SHISA9: variants seen among roughly 807,000 people sequenced by gnomAD.
The protein encoded by SHISA9 is protein shisa-9.
SHISA9 carries 13 observed loss-of-function variants against 38.0 expected under a neutral mutation model. That is an observed-to-expected ratio of 0.34 (90% CI 0.22 to 0.54). The LOEUF is 0.54. Ranked by LOEUF, SHISA9 falls within the 20% of genes least tolerant of loss-of-function variation. SHISA9 has a pLI of 0.91. For missense variants in SHISA9, 538 were observed against 575.8 expected (o/e 0.93, Z 0.67); for synonymous variants, 275 against 242.0 (o/e 1.14, Z -1.27).
chr16:13,019,933 TTCTTTCTTTCTTTCTTTCTTTCTTTCCC>T (rs2072823913), intron 2 of SHISA9, among the ~76,000 whole-genome samples: 9 of 95,088 alleles, frequency 9.5e-5, no homozygotes, highest in Non-Finnish European at 1.2e-4. Flanking sequence ...CTTTCTTTCT[TTCTTTCTTTCTTTCTTTCTTTCTTTCCC>T]TCCTTCTTTC....
the SHISA9 span, among the ~76,000 whole-genome samples, chr16:13,329,618 C>T: frequency 6.6e-6 from 1 of 152,142 alleles, no homozygotes; most frequent in African/African-American, 2.4e-5. Flanking sequence ...CTACTCCTTC[C>T]CAGGCCTGTG....
chr16:13,297,064 C>G, the SHISA9 span, among the ~76,000 whole-genome samples: 2 of 152,026 alleles, frequency 1.3e-5, no homozygotes, highest in Non-Finnish European at 2.9e-5. Flanking sequence ...ATACTGTAAG[C>G]AAATATTAAT....
chr16:13,246,474 A>C, the SHISA9 span: 1 of 152,222 alleles, frequency 6.6e-6, no homozygotes, highest in Non-Finnish European at 1.5e-5. Context: ...AGACTAAAAC[A>C]GTCTTTCTCA....
chr16:13,071,596 C>T (rs530018582), intron 2 of SHISA9, among the ~76,000 whole-genome samples: 2 of 148,180 alleles, frequency 1.3e-5, no homozygotes, highest in East Asian at 2.0e-4. Flanking sequence ...TTCCTTCCTT[C>T]CTTCCCTTTC....
chr16:13,050,344 A>G (rs895655409), intron 2 of SHISA9, among the ~76,000 whole-genome samples: 9 of 151,806 alleles, frequency 5.9e-5, no homozygotes, highest in African/African-American at 1.9e-4. Context: ...TAAATTTGAG[A>G]TGAAATTAAA....
intron 2 of SHISA9, among the ~76,000 whole-genome samples, chr16:12,977,156 G>A (rs560397233): frequency 6.6e-6 from 1 of 152,282 alleles, no homozygotes; most frequent in South Asian, 2.1e-4. Context: ...CTGTCTTGGA[G>A]ACGGGCTGTG....
At chr16:13,299,039 C>G in the SHISA9 span, among the ~76,000 whole-genome samples, 915 of 152,306 alleles carry the variant, frequency 6.0e-3, 7 homozygotes, top group African/African-American at 0.021. Context: ...AAGGCAAGGA[C>G]TGCCTTGTAA....
At chr16:13,300,222 T>A in the SHISA9 span, among the ~76,000 whole-genome samples, 10 of 152,180 alleles carry the variant, frequency 6.6e-5, no homozygotes, top group African/African-American at 1.9e-4. Flanking sequence ...TATTTCAAGA[T>A]GTACTGACTT....
intron 2 of SHISA9, among the ~76,000 whole-genome samples, chr16:13,089,669 G>A (rs1441128828): frequency 6.6e-6 from 1 of 152,022 alleles, no homozygotes; most frequent in Non-Finnish European, 1.5e-5. Context: ...ATTTTTTATT[G>A]CATCTATTTT....
the SHISA9 span, among the ~76,000 whole-genome samples, chr16:13,534,445 A>T: frequency 6.6e-6 from 1 of 151,630 alleles, no homozygotes; most frequent in Non-Finnish European, 1.5e-5. Context: ...GGCTGCTCTC[A>T]AACTCCTGAC....
At chr16:12,914,865 G>T (rs1360998758) in intron 1 of SHISA9, among the ~76,000 whole-genome samples, 1 of 152,186 alleles carries the variant, frequency 6.6e-6, no homozygotes, top group Non-Finnish European at 1.5e-5. Flanking sequence ...CTGAAAATTT[G>T]CATCTTAACA....
chr16:13,487,906 G>A, the SHISA9 span, among the ~76,000 whole-genome samples: 1 of 152,146 alleles, frequency 6.6e-6, no homozygotes, highest in African/African-American at 2.4e-5. Context: ...GCAATTATTT[G>A]GGAAAGTGCT....
At chr16:13,193,793 G>A (rs562938102) in intron 2 of SHISA9, among the ~76,000 whole-genome samples, 1 of 152,280 alleles carries the variant, frequency 6.6e-6, no homozygotes, top group African/African-American at 2.4e-5. Flanking sequence ...CAGGTTCTGT[G>A]GTAAGACCCC....
chr16:13,000,078 CA>C (rs1180675405), intron 2 of SHISA9, among the ~76,000 whole-genome samples: 3 of 152,148 alleles, frequency 2.0e-5, no homozygotes, highest in Non-Finnish European at 4.4e-5. Context: ...CTTTTTTACG[CA>C]TAAGTGTCAT....
chr16:13,114,902 C>CCAT (rs1567216943), intron 2 of SHISA9, among the ~76,000 whole-genome samples: 1 of 144,052 alleles, frequency 6.9e-6, no homozygotes, highest in African/African-American at 2.9e-5. Context: ...ACATCTAACT[C>CCAT]CATCCATCCA....
At chr16:13,379,322 ATGCT>A in the SHISA9 span, among the ~76,000 whole-genome samples, 520 of 152,368 alleles carry the variant, frequency 3.4e-3, 6 homozygotes, top group Middle Eastern at 0.017. Flanking sequence ...GCATATTAAA[ATGCT>A]TGCTCTCTCT....
chr16:13,387,938 A>C, the SHISA9 span, among the ~76,000 whole-genome samples: 1 of 152,268 alleles, frequency 6.6e-6, no homozygotes, highest in South Asian at 2.1e-4. Context: ...TAGAAAAAAA[A>C]AAGACATGTA....
intron 2 of SHISA9, among the ~76,000 whole-genome samples, chr16:12,958,262 T>C (rs2071863142): frequency 6.6e-6 from 1 of 152,252 alleles, no homozygotes; most frequent in South Asian, 2.1e-4. Context: ...TGGATTTATC[T>C]AGTTTCTATT....
chr16:13,242,363 G>T (rs185614456), downstream of SHISA9, among the ~76,000 whole-genome samples: 1 of 152,318 alleles, frequency 6.6e-6, no homozygotes, highest in Non-Finnish European at 1.5e-5. Context: ...TCCAATGTTT[G>T]TAACAAGCTC....
Sources: gnomAD v4.1 joint callset for allele counts (sites outside exome capture counted in the v4.1 genomes callset) on GRCh38, gnomAD v4.1.1 for gene constraint, MANE v1.5 for transcripts, NCBI Gene and HGNC (gene_info 2026-07-23, HGNC 2026-07-21) for gene names.